The following LINGO2 variants were observed in gnomAD, a reference collection of about 807,000 sequenced individuals.
LINGO2 encodes the protein leucine rich repeat and Ig domain containing 2.
Under a neutral mutation model 30.6 loss-of-function variants are expected in LINGO2, and 14 were observed. The observed-to-expected ratio is 0.46, with a 90% CI of 0.30 to 0.72. The LOEUF is 0.72. Among genes scored for constraint, LINGO2 ranks in the 30% least tolerant of loss-of-function variants. The probability of loss-of-function intolerance (pLI) is 0.07; values close to 1 mark genes in which losing one functional copy is unlikely to be tolerated. For missense variants in LINGO2, 729 were observed against 751.7 expected (o/e 0.97, Z 0.35); for synonymous variants, 317 against 288.5 (o/e 1.10, Z -1.00).
At chr9:29,109,979 C>A in the LINGO2 span, among the ~76,000 whole-genome samples, 1 of 152,112 alleles carries the variant, frequency 6.6e-6, no homozygotes, top group Admixed American at 6.5e-5. Context: ...TGAGAAGATA[C>A]TTCCTATCAG....
chr9:28,306,861 T>C (rs1357517432), intron 3 of LINGO2, among the ~76,000 whole-genome samples: 1 of 152,086 alleles, frequency 6.6e-6, no homozygotes, highest in Admixed American at 6.6e-5. Flanking sequence ...CACATACACC[T>C]TCCCAAGATT....
At chr9:29,024,627 A>G in the LINGO2 span, among the ~76,000 whole-genome samples, 3 of 152,118 alleles carry the variant, frequency 2.0e-5, no homozygotes, top group Admixed American at 6.6e-5. Context: ...AAAATGACCT[A>G]TTTTAACTAT....
chr9:29,051,229 A>G, the LINGO2 span, among the ~76,000 whole-genome samples: 1 of 152,260 alleles, frequency 6.6e-6, no homozygotes, highest in South Asian at 2.1e-4. Context: ...ATACTGACAT[A>G]TACCCACTAT....
At chr9:28,843,030 C>T in the LINGO2 span, among the ~76,000 whole-genome samples, 35 of 151,750 alleles carry the variant, frequency 2.3e-4, no homozygotes, top group African/African-American at 6.6e-4. Flanking sequence ...ACATGATAAA[C>T]GCTAATATGA....
At chr9:28,305,240 G>T (rs532700118) in intron 3 of LINGO2, among the ~76,000 whole-genome samples, 1 of 152,078 alleles carries the variant, frequency 6.6e-6, no homozygotes, top group Non-Finnish European at 1.5e-5. Flanking sequence ...CCTGATGAAG[G>T]ATATCTGCAA....
At chr9:28,546,301 A>G (rs73644065) in intron 1 of LINGO2, among the ~76,000 whole-genome samples, 2,565 of 152,216 alleles carry the variant, frequency 0.017, 67 homozygotes, top group African/African-American at 0.056. Flanking sequence ...AGAGAAGAGC[A>G]TTAAAAAAAT....
the LINGO2 span, among the ~76,000 whole-genome samples, chr9:29,177,003 C>G: frequency 6.6e-6 from 1 of 152,166 alleles, no homozygotes; most frequent in African/African-American, 2.4e-5. Flanking sequence ...ACCTCTGACT[C>G]AGCACATATA....
intron 4 of LINGO2, among the ~76,000 whole-genome samples, chr9:28,223,516 G>C (rs1038789107): frequency 6.6e-6 from 1 of 152,140 alleles, no homozygotes; most frequent in South Asian, 2.1e-4. Context: ...ATTTGCAGGG[G>C]GGCATTTGAA....
intron 5 of LINGO2, among the ~76,000 whole-genome samples, chr9:27,983,316 A>T (rs10968251): frequency 0.018 from 2,737 of 151,956 alleles, 128 homozygotes; most frequent in East Asian, 0.17. Flanking sequence ...CGTATCATAA[A>T]TACACAGACT....
chr9:28,262,792 T>C (rs1485419073), intron 4 of LINGO2, among the ~76,000 whole-genome samples: 3 of 151,978 alleles, frequency 2.0e-5, no homozygotes, highest in Admixed American at 6.6e-5. Flanking sequence ...CCAACTATTC[T>C]CTATTTCTTT....
chr9:28,028,971 C>G (rs1235996320), intron 4 of LINGO2, among the ~76,000 whole-genome samples: 1 of 152,116 alleles, frequency 6.6e-6, no homozygotes, highest in Admixed American at 6.6e-5. Context: ...AAACACTGCA[C>G]AGACAACTGC....
intron 4 of LINGO2, among the ~76,000 whole-genome samples, chr9:28,248,689 T>G (rs757123369): frequency 2.0e-5 from 3 of 152,206 alleles, no homozygotes; most frequent in Non-Finnish European, 2.9e-5. Flanking sequence ...ATGTGATTAT[T>G]ATGCATTGCA....
chr9:28,876,254 TTTA>T, the LINGO2 span, among the ~76,000 whole-genome samples: 1 of 151,978 alleles, frequency 6.6e-6, no homozygotes, highest in Non-Finnish European at 1.5e-5. Context: ...TTATTTTTAT[TTTA>T]TTTTTATTAT....
chr9:28,491,653 C>A (rs1331900), intron 1 of LINGO2, among the ~76,000 whole-genome samples: 1 of 152,032 alleles, frequency 6.6e-6, no homozygotes, highest in Non-Finnish European at 1.5e-5. Context: ...AAATGGAAAC[C>A]TGTGCCTTTC....
chr9:28,209,657 C>T (rs7861219), intron 4 of LINGO2, among the ~76,000 whole-genome samples: 22,589 of 150,746 alleles, frequency 0.15, 1,809 homozygotes, highest in East Asian at 0.27. Context: ...CTCTGTGTCT[C>T]GGAGGAATTT....
intron 4 of LINGO2, among the ~76,000 whole-genome samples, chr9:28,091,324 G>A (rs536584856): frequency 1.5e-4 from 23 of 152,284 alleles, no homozygotes; most frequent in African/African-American, 5.3e-4. Context: ...ATACTAGAAG[G>A]CTACAGTAAC....
chr9:28,266,428 C>T lies in LINGO2; in HGVS notation c.-87+28780G>A, dbSNP rs541583937. Among the ~76,000 whole-genome samples, 4 of 152,128 alleles carry T rather than the reference C, an allele frequency of 2.6e-5. No homozygotes were observed. In the East Asian group the frequency reaches 7.8e-4, roughly 29 times the overall value. On this transcript the variant is annotated intron_variant, in intron 4 of 5. Coordinates refer to ENST00000379992, the Ensembl canonical transcript of LINGO2. ...GGACAAAGGCCACTTAAATCCTGCT[C>T]TCTGTTTCCAGGGCAAACCCAGAAT...
At chr9:28,252,115 T>C (rs559721981) in intron 4 of LINGO2, among the ~76,000 whole-genome samples, 1 of 152,298 alleles carries the variant, frequency 6.6e-6, no homozygotes, top group South Asian at 2.1e-4. Context: ...AGCACAAACA[T>C]TTATAGTCAC....
At chr9:28,860,990 T>C in the LINGO2 span, among the ~76,000 whole-genome samples, 11 of 107,792 alleles carry the variant, frequency 1.0e-4, no homozygotes, top group South Asian at 2.8e-3. Context: ...ATCTATAATA[T>C]ATTATATTTA....
Sources: allele counts gnomAD v4.1 joint callset (sites outside exome capture counted in the v4.1 genomes callset), GRCh38; gene constraint gnomAD v4.1.1; transcripts MANE v1.5; gene names NCBI Gene and HGNC (gene_info 2026-07-23, HGNC 2026-07-21).